GRIN3A: variants seen among roughly 807,000 people sequenced by gnomAD.
GRIN3A encodes the protein glutamate ionotropic receptor NMDA type subunit 3A.
GRIN3A carries 47 observed loss-of-function variants against 92.4 expected under a neutral mutation model. The observed-to-expected ratio is 0.51, with a 90% CI of 0.40 to 0.65. The LOEUF is 0.65. Among genes scored for constraint, GRIN3A ranks in the 30% least tolerant of loss-of-function variants. The pLI is 0.00. For synonymous variants in GRIN3A, 527 were observed against 540.6 expected (o/e 0.97, Z 0.35); for missense variants, 1,324 against 1,393.1 (o/e 0.95, Z 0.79).
At chr9:101,617,024 C>T (rs1483193098) in intron 5 of GRIN3A, among the ~76,000 whole-genome samples, 2 of 150,192 alleles carry the variant, frequency 1.3e-5, no homozygotes, top group East Asian at 3.9e-4. Flanking sequence ...CACGGTGAAA[C>T]CCCGTCTCTA....
chr9:101,694,806 A>T (rs965582266), intron 1 of GRIN3A, among the ~76,000 whole-genome samples: 17 of 152,172 alleles, frequency 1.1e-4, no homozygotes. Context: ...AAGATGTTCC[A>T]ACATGGGGAA....
chr9:101,733,253 G>A (rs1292025005), intron 1 of GRIN3A, among the ~76,000 whole-genome samples: 1 of 152,136 alleles, frequency 6.6e-6, no homozygotes, highest in Non-Finnish European at 1.5e-5. Flanking sequence ...AAGTAAAGCG[G>A]GAGAGACAAA....
At chr9:101,689,344 G>A (rs1450975661) in intron 1 of GRIN3A, among the ~76,000 whole-genome samples, 3 of 152,116 alleles carry the variant, frequency 2.0e-5, no homozygotes, top group African/African-American at 7.2e-5. Flanking sequence ...TCAATAATAT[G>A]GCTTAAGAGT....
chr9:101,630,185 A>G (rs534685319), intron 3 of GRIN3A, among the ~76,000 whole-genome samples: 2 of 152,290 alleles, frequency 1.3e-5, no homozygotes, highest in East Asian at 3.9e-4. Flanking sequence ...CAGAACAACA[A>G]CAATGAAAAA....
At chr9:101,637,317 T>A (rs966409793) in intron 3 of GRIN3A, among the ~76,000 whole-genome samples, 4 of 152,064 alleles carry the variant, frequency 2.6e-5, no homozygotes, top group Non-Finnish European at 5.9e-5. Flanking sequence ...ATGGTCTCCA[T>A]CTCCTGACCT....
At chr9:101,674,126 G>C (rs1360888113) in intron 2 of GRIN3A, among the ~76,000 whole-genome samples, 1 of 151,978 alleles carries the variant, frequency 6.6e-6, no homozygotes, top group African/African-American at 2.4e-5. Context: ...TTGACGATAA[G>C]AGATGAAAAA....
rs936543728 is a variant in GRIN3A at position 101,571,567 on chromosome 9, A to C, written c.*1607T>G. 1 of 152,236 alleles carries C rather than the reference A, an allele frequency of 6.6e-6. No homozygotes were observed. The highest frequency in any genetic ancestry group is 2.4e-5 in the African/African-American group (1 of 41,458). 9.4% of individuals were successfully genotyped at this position (152,236 alleles called of 1,614,324 possible). A position where few individuals can be genotyped will look rare whatever the true frequency, so the allele number is the denominator to read the frequency against. On this transcript the variant is annotated 3_prime_UTR_variant, in exon 9 of 9. Transcript: ENST00000361820. ...TTGATAAATAAGGAAGTCTTGTCCT[A>C]AATGGTGCCCAGGGGTGGGGGTGAG...
At chr9:101,633,404 G>A (rs1325471246) in intron 3 of GRIN3A, among the ~76,000 whole-genome samples, 1 of 152,182 alleles carries the variant, frequency 6.6e-6, no homozygotes, top group African/African-American at 2.4e-5. Context: ...ACCTGTGGAT[G>A]CTATAGTATC....
At chr9:101,700,183 C>G (rs1829736054) in intron 1 of GRIN3A, among the ~76,000 whole-genome samples, 1 of 152,116 alleles carries the variant, frequency 6.6e-6, no homozygotes, top group Non-Finnish European at 1.5e-5. Flanking sequence ...ATAACAGTGT[C>G]CAGAAAATGA....
chr9:101,584,827 T>TCGTCA (rs1827930057), intron 6 of GRIN3A, among the ~76,000 whole-genome samples: 1 of 152,246 alleles, frequency 6.6e-6, no homozygotes, highest in Non-Finnish European at 1.5e-5. Flanking sequence ...TGTTCAGATG[T>TCGTCA]CGTCACTTGA....
At chr9:101,697,532 T>A (rs1263826202) in intron 1 of GRIN3A, among the ~76,000 whole-genome samples, 1 of 152,192 alleles carries the variant, frequency 6.6e-6, no homozygotes, top group Non-Finnish European at 1.5e-5. Flanking sequence ...GAAAAAAATG[T>A]CTGGTTGGCT....
At chr9:101,715,690 A>G (rs1829936319) in intron 1 of GRIN3A, among the ~76,000 whole-genome samples, 1 of 152,196 alleles carries the variant, frequency 6.6e-6, no homozygotes. Context: ...GTGAGCAAGT[A>G]GAAAACAAAG....
intron 3 of GRIN3A, among the ~76,000 whole-genome samples, chr9:101,638,153 C>T (rs913486338): frequency 6.6e-6 from 1 of 152,110 alleles, no homozygotes; most frequent in South Asian, 2.1e-4. Context: ...TCTGGATGTA[C>T]CTCGGTATTT....
At chr9:101,651,587 G>A (rs963380680) in intron 3 of GRIN3A, among the ~76,000 whole-genome samples, 1 of 151,624 alleles carries the variant, frequency 6.6e-6, no homozygotes, top group African/African-American at 2.4e-5. Flanking sequence ...TGCACAAAGA[G>A]TAGCTTGCTG....
At chr9:101,617,352 C>T (rs1369401202) in intron 5 of GRIN3A, among the ~76,000 whole-genome samples, 1 of 151,306 alleles carries the variant, frequency 6.6e-6, no homozygotes, top group East Asian at 1.9e-4. Context: ...GTTTTAAATT[C>T]TTAACTTCAT....
At chr9:101,699,593 C>T (rs985790548) in intron 1 of GRIN3A, among the ~76,000 whole-genome samples, 1 of 152,136 alleles carries the variant, frequency 6.6e-6, no homozygotes, top group African/African-American at 2.4e-5. Flanking sequence ...ACACTAAATT[C>T]ATAATGCTGA....
intron 7 of GRIN3A, 71 bp from the exon 8 acceptor site, chr9:101,577,915 G>A: frequency 9.2e-7 from 1 of 1,085,774 alleles, no homozygotes; most frequent in Non-Finnish European, 1.4e-6. Flanking sequence ...AGAACCACTT[G>A]AGATGTAACA....
At chr9:101,675,048 G>T (rs1829375665) in intron 2 of GRIN3A, among the ~76,000 whole-genome samples, 1 of 151,960 alleles carries the variant, frequency 6.6e-6, no homozygotes, top group Non-Finnish European at 1.5e-5. Context: ...ATATAGGAAA[G>T]AAAAATGGTG....
chr9:101,649,245 G>A (rs1276334703), intron 3 of GRIN3A, among the ~76,000 whole-genome samples: 1 of 151,634 alleles, frequency 6.6e-6, no homozygotes, highest in Non-Finnish European at 1.5e-5. Context: ...CATGGAATTT[G>A]TGGAAAATCT....
Sources: allele counts gnomAD v4.1 joint callset (sites outside exome capture counted in the v4.1 genomes callset), GRCh38; gene constraint gnomAD v4.1.1; transcripts MANE v1.5; gene names NCBI Gene and HGNC (gene_info 2026-07-23, HGNC 2026-07-21).